The following HSPA12A variants were observed in gnomAD, a reference collection of about 807,000 sequenced individuals.
The protein encoded by HSPA12A is heat shock protein family A (Hsp70) member 12A.
HSPA12A carries 28 observed loss-of-function variants against 69.2 expected under a neutral mutation model. That is an observed-to-expected ratio of 0.40 (90% CI 0.30 to 0.55). The LOEUF (loss-of-function observed/expected upper bound fraction) is 0.55. Ranked by LOEUF, HSPA12A falls within the 20% of genes least tolerant of loss-of-function variation. The pLI, the probability that HSPA12A is intolerant of heterozygous loss-of-function variation, is 0.38. For missense variants in HSPA12A, 686 were observed against 900.7 expected, an observed-to-expected ratio of 0.76 and a Z score of 3.05; for synonymous variants, 345 against 370.5, an observed-to-expected ratio of 0.93 and a Z score of 0.79.
At chr10:116,795,912 C>T (rs952680503) in intron 2 of HSPA12A, among the ~76,000 whole-genome samples, 3 of 150,646 alleles carry the variant, frequency 2.0e-5, no homozygotes, top group African/African-American at 7.3e-5. Flanking sequence ...TTTGGGAGGC[C>T]GAGGCGGGTG....
chr10:116,847,900 C>T (rs1429134561), intron 1 of HSPA12A, among the ~76,000 whole-genome samples: 2 of 152,134 alleles, frequency 1.3e-5, no homozygotes, highest in Non-Finnish European at 2.9e-5. Flanking sequence ...CTTTGTGGTC[C>T]AGGCTGCAAA....
At chr10:116,763,958 C>G (rs116477406) in intron 2 of HSPA12A, among the ~76,000 whole-genome samples, 131 of 152,070 alleles carry the variant, frequency 8.6e-4, no homozygotes, top group African/African-American at 3.0e-3. Flanking sequence ...GGGGGGCGGT[C>G]GGCAATGAGC....
Position 116,768,116 on chromosome 10 carries a change from C to T in HSPA12A, c.92-60831G>A, listed in dbSNP as rs776028999. ...TAGAAACAACCCAAGCATCCATCCA[C>T]GGGTGAATGGATCAAATGTGTTCTC... On this transcript the variant is annotated intron_variant, in intron 2 of 12. Transcript: ENST00000635765. 1.1e-4 allele frequency among the ~76,000 whole-genome samples: 16 copies of T among 152,182 alleles called. 1 individual carries two copies. The highest frequency in any genetic ancestry group is 6.5e-4 in the Admixed American group (10 of 15,286).
chr10:116,821,558 C>T (rs772930261), intron 2 of HSPA12A, among the ~76,000 whole-genome samples: 1 of 152,242 alleles, frequency 6.6e-6, no homozygotes, highest in Admixed American at 6.5e-5. Flanking sequence ...GATTTGCACA[C>T]ATACACACAT....
chr10:116,772,798 G>A (rs1451597812), intron 2 of HSPA12A, among the ~76,000 whole-genome samples: 1 of 151,904 alleles, frequency 6.6e-6, no homozygotes, highest in Non-Finnish European at 1.5e-5. Flanking sequence ...GGGCTCAAGC[G>A]ATCCTCCCAA....
intron 2 of HSPA12A, among the ~76,000 whole-genome samples, chr10:116,816,405 A>C (rs1366771163): frequency 6.6e-6 from 1 of 152,258 alleles, no homozygotes; most frequent in African/African-American, 2.4e-5. Flanking sequence ...GTGCCAGGCA[A>C]TGATGTTCCA....
chr10:116,675,077 C>A lies in HSPA12A; in HGVS notation c.1732G>T (p.Val578Leu). ...CGCTTGACCAGCTCACCCAGAGCCA[C>A]AGACTGGTCGGCAGAGATGAACTTG... The part of the protein sequence containing the change: ...FDKFISADQS[V>L]ALGELVKRSY... Residue 578 changes from valine to leucine, a missense_variant, in exon 12 of 12, where the codon GTG (valine) becomes TTG (leucine). Coordinates refer to ENST00000369209, the MANE Select transcript of HSPA12A (RefSeq NM_025015.3). This position sits in a 1 kb window ranked among gnomAD's most constrained non-coding sequence, Gnocchi z 5.2. 2 of 1,614,112 alleles carry A rather than the reference C, an allele frequency of 1.2e-6. No individual in the cohort carries two copies. Among genetic ancestry groups the A allele is most frequent in the African/African-American group, 2.7e-5 (2 of 75,046 alleles).
intron 2 of HSPA12A, chr10:116,832,263 G>A (rs1472727723): frequency 2.0e-5 from 3 of 152,150 alleles, no homozygotes; most frequent in African/African-American, 4.8e-5. Flanking sequence ...CGCCTCCCCA[G>A]TTCAAGCGAT....
intron 5 of HSPA12A, 23 bp from the exon 6 acceptor site, chr10:116,692,490 C>T: frequency 6.3e-7 from 1 of 1,581,842 alleles, no homozygotes; most frequent in Non-Finnish European, 8.7e-7. Flanking sequence ...GAAAGAAATG[C>T]AACAGGTCAA....
In HSPA12A at chr10:116,707,205, T is replaced by C. The variant is rs2132986085; in HGVS notation, c.121A>G (p.Ile41Val). 6.3e-7 allele frequency: 1 copy of C among 1,597,964 alleles called. No individual in the cohort carries two copies. Among genetic ancestry groups the C allele is most frequent in the Non-Finnish European group, 8.6e-7 (1 of 1,169,370 alleles). Residue 41 changes from isoleucine to valine, a missense_variant, in exon 2 of 12, where the codon ATT becomes GTT. Transcript: ENST00000369209. ...CACACACACACACTTCTTACCACAA[T>C]ATGGGAGGGGGACAGAGGCGTTATT... is the stretch of plus-strand genomic sequence containing the variant. ...TGITPLSPSH[I>V]VNDTDSNVSE... is the part of the protein sequence containing the mutation.
chr10:116,739,272 C>G (rs1196181440), intron 1 of HSPA12A, among the ~76,000 whole-genome samples: 1 of 152,208 alleles, frequency 6.6e-6, no homozygotes, highest in Non-Finnish European at 1.5e-5. Flanking sequence ...AAATGGGGAT[C>G]ACAGGGCGTC....
Position 116,840,683 on chromosome 10 carries a change from C to A in HSPA12A, c.4-5661G>T, listed in dbSNP as rs567013361. On this transcript the variant is annotated intron_variant, in intron 1 of 12. Transcript: ENST00000635765. ...AACTCTGCTTTTAACATGTTAGAGT[C>A]CGAAAATCCTTTAGGAGGTACAGAG... Among the ~76,000 whole-genome samples the A allele has an allele frequency of 2.6e-5, 4 of 152,252 alleles. No individual in the cohort carries two copies. In the East Asian group the frequency reaches 7.7e-4, roughly 29 times the overall value.
Position 116,819,432 on chromosome 10 carries a change from G to T in HSPA12A, c.91+15503C>A, listed in dbSNP as rs187321190. On this transcript the variant is annotated intron_variant, in intron 2 of 12. Coordinates refer to the HSPA12A transcript ENST00000635765. ...CCAGTGTGCTTGTATTAAGAGGTGG[G>T]GCCTTTGAGAGGTGACTGGGTCATG... Among the ~76,000 whole-genome samples, 191 of 152,268 alleles carry T rather than the reference G, an allele frequency of 1.3e-3. 2 individuals carry two copies. Among genetic ancestry groups the T allele is most frequent in the Admixed American group, 3.5e-3 (54 of 15,300 alleles).
At chr10:116,824,704 G>A (rs1295462774) in intron 2 of HSPA12A, among the ~76,000 whole-genome samples, 2 of 152,148 alleles carry the variant, frequency 1.3e-5, no homozygotes, top group South Asian at 2.1e-4. Context: ...GCATGATCTC[G>A]GCTCACTGCA....
In HSPA12A at chr10:116,727,752, G is replaced by GTTTTTTT. The variant is rs71859215; in HGVS notation, c.40+14671_40+14677dup. On this transcript the variant is annotated intron_variant, in intron 1 of 11. Coordinates refer to ENST00000369209, the MANE Select transcript of HSPA12A (RefSeq NM_025015.3). ...TCCAAGGGTAGGCTAATGTAAGTGGGTTTTTTTTTTTTTTTTGGTTTTTTG... is the reference window on the plus strand; with the variant it reads ...TCCAAGGGTAGGCTAATGTAAGTGGGTTTTTTTTTTTTTTTTTTTTTTTGGTTTTTTG... Among the ~76,000 whole-genome samples the GTTTTTTT allele has an allele frequency of 7.6e-5, 10 of 131,374 alleles. 1 individual carries two copies. Among genetic ancestry groups the GTTTTTTT allele is most frequent in the African/African-American group, 2.0e-4 (7 of 35,176 alleles). 86.2% of individuals were successfully genotyped at this position (131,374 alleles called of 152,430 possible).
chr10:116,748,882 C>T (rs1304717676), intron 2 of HSPA12A, among the ~76,000 whole-genome samples: 2 of 152,174 alleles, frequency 1.3e-5, no homozygotes, highest in Non-Finnish European at 2.9e-5. Flanking sequence ...GGCGGGGACA[C>T]AGCCAAACCA....
chr10:116,772,266 C>T (rs1223207702), intron 2 of HSPA12A, among the ~76,000 whole-genome samples: 1 of 152,114 alleles, frequency 6.6e-6, no homozygotes, highest in Non-Finnish European at 1.5e-5. Flanking sequence ...AGGAGCTGAT[C>T]TTGGATCCTG....
rs898274411 is a variant in HSPA12A, at chr10:116,692,438, G to A, written c.576C>T (p.Phe192=). ...TGACCCATCTGACATCAGAGTTCTCGAACTCCGAACCCGCCTGGTCACTCA... is the reference window on the plus strand; with the variant it reads ...TGACCCATCTGACATCAGAGTTCTCAAACTCCGAACCCGCCTGGTCACTCA... ...KELSDQAGSE[F]ENSDVRWVIT... is the part of the protein sequence containing the mutation. The change falls in exon 6 of 12, where the codon TTC becomes TTT. Residue 192 remains phenylalanine (F), a synonymous_variant. Transcript: ENST00000369209. 1.9e-5 allele frequency: 31 copies of A among 1,613,926 alleles called. No homozygotes were observed. The Admixed American group carries it at 3.3e-4, about 17-fold the overall frequency.
rs565959659 is a variant in HSPA12A, at chr10:116,838,894, G to T, written c.4-3872C>A. On this transcript the variant is annotated intron_variant, in intron 1 of 12. Transcript: ENST00000635765. ...AACTGCTAAATTCTTCATAATTCAGGTTTGTCAACTTATTTATGTAGTGAG... is the reference window on the plus strand; with the variant it reads ...AACTGCTAAATTCTTCATAATTCAGTTTTGTCAACTTATTTATGTAGTGAG... Among the ~76,000 whole-genome samples the T allele has an allele frequency of 1.0e-3, 152 of 152,298 alleles. 3 individuals carry two copies. Among genetic ancestry groups the T allele is most frequent in the Admixed American group, 9.5e-3 (145 of 15,292 alleles).
Sources: allele counts gnomAD v4.1 joint callset (sites outside exome capture counted in the v4.1 genomes callset), GRCh38; gene constraint gnomAD v4.1.1; non-coding constraint Gnocchi (gnomAD v3.1); transcripts MANE v1.5; gene names NCBI Gene and HGNC (gene_info 2026-07-23, HGNC 2026-07-21).